DPP6: variants seen among roughly 807,000 people sequenced by gnomAD.
DPP6 encodes the protein A-type potassium channel modulatory protein DPP6.
In DPP6, 69 loss-of-function variants were observed where a neutral mutation model predicts 122.6. The ratio of observed to expected loss-of-function variants is 0.56; its 90% confidence interval spans 0.46 to 0.69. DPP6 has a LOEUF of 0.69. Ranked by LOEUF, DPP6 falls within the 30% of genes least tolerant of loss-of-function variation. The probability of loss-of-function intolerance (pLI) is 0.00; values close to 1 mark genes in which losing one functional copy is unlikely to be tolerated. For synonymous variants in DPP6, 418 were observed against 433.1 expected (o/e 0.97, Z 0.43); for missense variants, 928 against 1,116.9 (o/e 0.83, Z 2.41).
chr7:153,788,814 C>T, the DPP6 span, among the ~76,000 whole-genome samples: 1 of 151,940 alleles, frequency 6.6e-6, no homozygotes, highest in African/African-American at 2.4e-5. Context: ...AAATACAAAA[C>T]ATTAGCCAGG....
intron 21 of DPP6, chr7:154,885,177 G>T: frequency 6.3e-6 from 1 of 159,354 alleles, no homozygotes; most frequent in Non-Finnish European, 1.4e-5. Flanking sequence ...CGTCTGTCTC[G>T]TGTCGGCCTT....
the DPP6 span, among the ~76,000 whole-genome samples, chr7:153,874,279 C>CACACAG: frequency 6.6e-6 from 1 of 151,844 alleles, no homozygotes; most frequent in Non-Finnish European, 1.5e-5. Context: ...CACACACACA[C>CACACAG]AGACACACAC....
intron 1 of DPP6, among the ~76,000 whole-genome samples, chr7:153,955,932 A>G (rs138150454): frequency 1.2e-3 from 177 of 152,288 alleles, no homozygotes; most frequent in Non-Finnish European, 1.9e-3. Flanking sequence ...GGAAGTAGTG[A>G]TTGTGTGGAG....
intron 1 of DPP6, among the ~76,000 whole-genome samples, chr7:154,328,515 T>C (rs545880111): frequency 6.6e-6 from 1 of 152,290 alleles, no homozygotes; most frequent in Admixed American, 6.5e-5. Flanking sequence ...TTGCCATAGA[T>C]GTGGGTCTGA....
intron 1 of DPP6, among the ~76,000 whole-genome samples, chr7:154,347,644 C>G (rs1810508712): frequency 1.3e-5 from 2 of 152,112 alleles, no homozygotes; most frequent in Non-Finnish European, 2.9e-5. Flanking sequence ...AATAAATTAC[C>G]ATTTTTATTT....
chr7:154,040,308 G>GT (rs112436617), intron 1 of DPP6, among the ~76,000 whole-genome samples: 1,019 of 138,976 alleles, frequency 7.3e-3, no homozygotes, highest in African/African-American at 0.031. Flanking sequence ...TGTAAGAAGT[G>GT]TTTTTTTGTC....
chr7:154,172,757 G>A (rs1448830077), intron 1 of DPP6, among the ~76,000 whole-genome samples: 1 of 151,686 alleles, frequency 6.6e-6, no homozygotes, highest in Non-Finnish European at 1.5e-5. Flanking sequence ...CCCACCATAC[G>A]CTTGGCTAAA....
At chr7:154,201,625 C>CGTGCAGTG (rs1799178906) in intron 1 of DPP6, among the ~76,000 whole-genome samples, 1 of 152,156 alleles carries the variant, frequency 6.6e-6, no homozygotes, top group East Asian at 1.9e-4. Flanking sequence ...AGGTTGGCTA[C>CGTGCAGTG]GTGCAGTGAA....
At chr7:154,772,549 G>A (rs976625920) in intron 9 of DPP6, among the ~76,000 whole-genome samples, 1 of 151,898 alleles carries the variant, frequency 6.6e-6, no homozygotes, top group African/African-American at 2.4e-5. Context: ...TCCTCTTCTC[G>A]TCTTCTCTTT....
intron 1 of DPP6, among the ~76,000 whole-genome samples, chr7:154,280,199 A>G (rs1003736041): frequency 6.6e-6 from 1 of 152,146 alleles, no homozygotes; most frequent in South Asian, 2.1e-4. Flanking sequence ...TTTTTTTATA[A>G]AAAAAGGTTT....
intron 4 of DPP6, among the ~76,000 whole-genome samples, chr7:154,552,932 A>G (rs1021136115): frequency 1.3e-5 from 2 of 152,238 alleles, no homozygotes; most frequent in African/African-American, 2.4e-5. Flanking sequence ...AGTAAGTCAT[A>G]CAAATAATCA....
At chr7:154,218,645 A>G (rs1199616881) in intron 1 of DPP6, among the ~76,000 whole-genome samples, 1 of 152,214 alleles carries the variant, frequency 6.6e-6, no homozygotes, top group Non-Finnish European at 1.5e-5. Context: ...GCACTAAGAC[A>G]TGGTAGGAGA....
At chr7:154,206,419 G>T (rs995845814) in intron 1 of DPP6, among the ~76,000 whole-genome samples, 1 of 152,224 alleles carries the variant, frequency 6.6e-6, no homozygotes, top group African/African-American at 2.4e-5. Context: ...GAAGGGAGAA[G>T]CCTTAAATTC....
At chr7:154,375,849 G>A (rs1182662640) in intron 1 of DPP6, among the ~76,000 whole-genome samples, 2 of 152,112 alleles carry the variant, frequency 1.3e-5, no homozygotes, top group East Asian at 1.9e-4. Context: ...TATGACGCCC[G>A]CCAACTTTGT....
chr7:154,595,932 G>T (rs184121647), intron 5 of DPP6, among the ~76,000 whole-genome samples: 1 of 152,256 alleles, frequency 6.6e-6, no homozygotes, highest in Admixed American at 6.5e-5. Flanking sequence ...ATGGTGGCAG[G>T]CACCTATAAT....
chr7:154,201,663 T>C (rs1799180278), intron 1 of DPP6, among the ~76,000 whole-genome samples: 1 of 152,162 alleles, frequency 6.6e-6, no homozygotes, highest in African/African-American at 2.4e-5. Context: ...CTCTAGTGTA[T>C]GTGTAAGGTA....
chr7:154,287,275 A>G (rs939984802), intron 1 of DPP6, among the ~76,000 whole-genome samples: 2 of 152,214 alleles, frequency 1.3e-5, no homozygotes, highest in African/African-American at 4.8e-5. Context: ...GTTTAAAATG[A>G]CCACAGAGGG....
At position 154,807,104 on chromosome 7, in the gene DPP6, A is replaced by T. The variant is rs374046624; in HGVS notation, c.1658A>T (p.Lys553Met). The T allele has an allele frequency of 6.6e-5, 106 of 1,612,144 alleles. No homozygotes were observed. The highest frequency in any genetic ancestry group is 8.6e-5 in the Non-Finnish European group (102 of 1,179,288). ...FSHSMDFFLL[K>M]CEGPGVPMVT... ...CATAGCATGGACTTCTTCCTGCTCA[A>T]GTGCGAAGGTCAGCTCCTGCCACCC... is the stretch of plus-strand genomic sequence containing the variant. The change falls in exon 16 of 26, where the codon AAG becomes ATG. Residue 553 changes from lysine (K) to methionine (M), a missense_variant. Transcript: ENST00000377770.
the DPP6 span, among the ~76,000 whole-genome samples, chr7:153,814,521 C>T: frequency 6.6e-6 from 1 of 152,048 alleles, no homozygotes; most frequent in Non-Finnish European, 1.5e-5. Flanking sequence ...CTGAATTCTA[C>T]CAGAGGTACA....
Sources: allele counts gnomAD v4.1 joint callset (sites outside exome capture counted in the v4.1 genomes callset), GRCh38; gene constraint gnomAD v4.1.1; transcripts MANE v1.5; gene names NCBI Gene and HGNC (gene_info 2026-07-23, HGNC 2026-07-21).